Variants in PEX14 observed in about 807,000 individuals in gnomAD.
PEX14 encodes the protein peroxisomal biogenesis factor 14.
Under a neutral mutation model 49.5 loss-of-function variants are expected in PEX14, and 15 were observed. The observed-to-expected ratio is 0.30, with a 90% CI of 0.20 to 0.47. The LOEUF (loss-of-function observed/expected upper bound fraction) is 0.47, where lower values mean the gene tolerates loss of function less well. Among genes scored for constraint, PEX14 ranks in the 20% least tolerant of loss-of-function variants. PEX14 has a pLI of 1.00. For missense variants in PEX14, 398 were observed against 494.8 expected (o/e 0.80, Z 1.86); for synonymous variants, 210 against 212.7 (o/e 0.99, Z 0.11).
intron 2 of PEX14, among the ~76,000 whole-genome samples, chr1:10,532,066 G>A (rs1638665484): frequency 6.6e-6 from 1 of 152,170 alleles, no homozygotes; most frequent in African/African-American, 2.4e-5. Flanking sequence ...TGAGTATACT[G>A]TATTCCATTG....
chr1:10,581,383 T>C (rs1452569756), intron 3 of PEX14, among the ~76,000 whole-genome samples: 3 of 149,078 alleles, frequency 2.0e-5, no homozygotes, highest in Non-Finnish European at 4.4e-5. Context: ...CTCGGCTCAC[T>C]GCAACCTGTG....
At chr1:10,625,928 G>T (rs958812516) in intron 7 of PEX14, among the ~76,000 whole-genome samples, 3 of 152,184 alleles carry the variant, frequency 2.0e-5, no homozygotes, top group Non-Finnish European at 4.4e-5. Flanking sequence ...CTCCCGAGCT[G>T]CATGGGGCCA....
chr1:10,511,022 T>C (rs1641873820), intron 2 of PEX14, among the ~76,000 whole-genome samples: 1 of 152,008 alleles, frequency 6.6e-6, no homozygotes, highest in Non-Finnish European at 1.5e-5. Context: ...TCCCACCTCC[T>C]CGTTCTCCAC....
At chr1:10,526,362 G>A (rs1638483539) in intron 2 of PEX14, among the ~76,000 whole-genome samples, 1 of 151,704 alleles carries the variant, frequency 6.6e-6, no homozygotes, top group Non-Finnish European at 1.5e-5. Context: ...GGGATTACAA[G>A]TGTGAACCAC....
rs553476844 is a variant in PEX14 at position 10,545,314 on chromosome 1, A to G, written c.169+9017A>G. ...GCTGTCAATATTTATAAGTTTTTGT[A>G]GGGACATATAATTTCTTTTGGGTAC... On this transcript the variant is annotated intron_variant, in intron 3 of 8. Coordinates refer to ENST00000356607, the MANE Select transcript of PEX14 (RefSeq NM_004565.3). Among the ~76,000 whole-genome samples the G allele has an allele frequency of 4.6e-5, 7 of 152,290 alleles. No homozygotes were observed. In the South Asian group the frequency reaches 1.2e-3, roughly 27 times the overall value.
chr1:10,589,672 C>T (rs1300966422), intron 3 of PEX14, among the ~76,000 whole-genome samples: 4 of 152,216 alleles, frequency 2.6e-5, no homozygotes, highest in African/African-American at 9.7e-5. Flanking sequence ...CTTGGCCTCC[C>T]AAAGTGTTGG....
intron 2 of PEX14, among the ~76,000 whole-genome samples, chr1:10,519,998 A>G (rs749176344): frequency 9.9e-5 from 15 of 152,118 alleles, no homozygotes; most frequent in Non-Finnish European, 5.9e-5. Context: ...ATAAAAATAA[A>G]TTAAATAAAT....
At chr1:10,603,392 T>C (rs1373496808) in intron 4 of PEX14, among the ~76,000 whole-genome samples, 1 of 152,122 alleles carries the variant, frequency 6.6e-6, no homozygotes, top group African/African-American at 2.4e-5. Context: ...TCTGAAATTC[T>C]GAAATATAGA....
Position 10,618,837 on chromosome 1 carries a change from T to C in PEX14, c.384+420T>C, listed in dbSNP as rs552671975. ...CTGGCTCTGCCCCTCAGGAGCTTGG[T>C]GATCACAGGCTCTGGTCTGTAAAAT... On this transcript the variant is annotated intron_variant, in intron 5 of 8. Transcript: ENST00000356607. Among the ~76,000 whole-genome samples the C allele has an allele frequency of 3.9e-5, 6 of 152,334 alleles. No homozygotes were observed. The South Asian group carries it at 1.2e-3, about 32-fold the overall frequency.
rs150765243 is a variant in PEX14, at chr1:10,627,420, G to C, written c.677+57G>C. The C allele has an allele frequency of 3.9e-4, 490 of 1,245,136 alleles. 2 individuals are homozygous for C. In the African/African-American group the frequency reaches 5.5e-3, roughly 14 times the overall value. 77.1% of individuals were successfully genotyped at this position (1,245,136 alleles called of 1,614,324 possible). On this transcript the variant is annotated intron_variant, in intron 8 of 8. Transcript: ENST00000356607. ...TCGGGCCTGGAAAGGAGGACTGGGA[G>C]CTCTGGGGCATGGGAGGGGCATGAC... is the stretch of plus-strand genomic sequence containing the variant.
In PEX14 at chr1:10,475,030, G is replaced by C. The variant is rs1210313391; in HGVS notation, c.36+28G>C. The C allele has an allele frequency of 9.4e-6, 15 of 1,599,896 alleles. No individual in the cohort carries two copies. In the Admixed American group the frequency reaches 2.6e-4, roughly 27 times the overall value. On this transcript the variant is annotated intron_variant, in intron 1 of 8. Transcript: ENST00000356607. ...AAGGGGAGTGGGACTGCCCCGCTGT[G>C]CGGCGGAGACCCCGGCTGGAGGGGG...
At chr1:10,540,406 A>G (rs1044682843) in intron 3 of PEX14, among the ~76,000 whole-genome samples, 27 of 152,236 alleles carry the variant, frequency 1.8e-4, no homozygotes, top group African/African-American at 6.3e-4. Flanking sequence ...CTTTTTTAGC[A>G]TTGATTTCAT....
intron 3 of PEX14, among the ~76,000 whole-genome samples, chr1:10,555,642 A>AGTGTGT (rs56824548): frequency 0.066 from 9,853 of 149,344 alleles, 692 homozygotes; most frequent in African/African-American, 0.18. Context: ...GCAAGGTGTG[A>AGTGTGT]GTGTGTGTGT....
At chr1:10,535,419 C>G (rs1638770513) in intron 2 of PEX14, among the ~76,000 whole-genome samples, 1 of 152,190 alleles carries the variant, frequency 6.6e-6, no homozygotes, top group African/African-American at 2.4e-5. Flanking sequence ...AGCTTTTAGC[C>G]ATGAAACTCC....
chr1:10,585,905 A>T (rs1640471815), intron 3 of PEX14, among the ~76,000 whole-genome samples: 1 of 152,170 alleles, frequency 6.6e-6, no homozygotes, highest in African/African-American at 2.4e-5. Context: ...CAAAACAAAT[A>T]AAAAAAAGTG....
chr1:10,532,912 A>C (rs1215418558), intron 2 of PEX14, among the ~76,000 whole-genome samples: 1 of 152,232 alleles, frequency 6.6e-6, no homozygotes, highest in African/African-American at 2.4e-5. Flanking sequence ...GCACAAACCG[A>C]GTGCCCTGTC....
rs112990066 is a variant in PEX14, at chr1:10,478,911, AT to A, written c.36+3919del. On this transcript the variant is annotated intron_variant, in intron 1 of 8. Coordinates refer to ENST00000356607, the MANE Select transcript of PEX14 (RefSeq NM_004565.3). ...CAGGCACCTGCCACCACGCCCGGCT[AT>A]TTTTTTTTTATTTCATTTTTAGTAG... Among the ~76,000 whole-genome samples the A allele has an allele frequency of 9.8e-4, 146 of 148,650 alleles. 1 individual carries two copies. The highest frequency in any genetic ancestry group is 3.1e-3 in the African/African-American group (125 of 40,532).
chr1:10,542,393 T>C (rs911605371), intron 3 of PEX14, among the ~76,000 whole-genome samples: 1 of 152,236 alleles, frequency 6.6e-6, no homozygotes, highest in South Asian at 2.1e-4. Context: ...TCATTCCACA[T>C]CGATACATAC....
rs185677216 is a variant in PEX14 at position 10,496,545 on chromosome 1, T to C, written c.84+1224T>C. Among the ~76,000 whole-genome samples, 209 of 152,270 alleles carry C rather than the reference T, an allele frequency of 1.4e-3. 2 individuals are homozygous for C. The highest frequency in any genetic ancestry group is 4.3e-3 in the Admixed American group (66 of 15,296). ...AACACCATAGGCCGCTGCAGTCCTT[T>C]CCTTCCTCTCTCTTTTCAAATTTTG... On this transcript the variant is annotated intron_variant, in intron 2 of 8. Coordinates refer to ENST00000356607, the MANE Select transcript of PEX14 (RefSeq NM_004565.3).
Sources: gnomAD v4.1 joint callset for allele counts (sites outside exome capture counted in the v4.1 genomes callset) on GRCh38, gnomAD v4.1.1 for gene constraint, MANE v1.5 for transcripts, NCBI Gene and HGNC (gene_info 2026-07-23, HGNC 2026-07-21) for gene names.